SEMA6D: variants seen among roughly 807,000 people sequenced by gnomAD.
SEMA6D encodes semaphorin 6D.
A neutral mutation model predicts 106.6 loss-of-function variants in SEMA6D; 35 were observed. That is an observed-to-expected ratio of 0.33 (90% CI 0.25 to 0.44). The LOEUF (loss-of-function observed/expected upper bound fraction) is 0.44, where lower values mean the gene tolerates loss of function less well. Ranked by LOEUF, SEMA6D falls within the 20% of genes least tolerant of loss-of-function variation. The probability of loss-of-function intolerance (pLI) is 1.00; values close to 1 mark genes in which losing one functional copy is unlikely to be tolerated. For missense variants in SEMA6D, 1,185 were observed against 1,345.9 expected (o/e 0.88, Z 1.87); for synonymous variants, 499 against 487.7 (o/e 1.02, Z -0.31).
intron 4 of SEMA6D, among the ~76,000 whole-genome samples, chr15:47,690,138 C>T (rs72735838): frequency 6.6e-6 from 1 of 152,088 alleles, no homozygotes; most frequent in Non-Finnish European, 1.5e-5. Flanking sequence ...GGTGTTTAGC[C>T]CATTGATGAA....
At position 47,434,265 on chromosome 15, in the gene SEMA6D, C is replaced by A. The variant is rs57128532; in HGVS notation, c.-159+21793C>A. Among the ~76,000 whole-genome samples the A allele has an allele frequency of 8.9e-3, 1,361 of 152,108 alleles. 13 individuals are homozygous for A. The highest frequency in any genetic ancestry group is 0.031 in the African/African-American group (1,297 of 41,504). ...AGCCTGGTGATAAATACTGAAAAAA[C>A]GGACAGAAATGAGCAGGAAGGAAGC... is the stretch of plus-strand genomic sequence containing the variant. On this transcript the variant is annotated intron_variant, in intron 2 of 19. Transcript: ENST00000558014.
At chr15:47,207,613 T>A (rs1399523499) in intron 1 of SEMA6D, among the ~76,000 whole-genome samples, 1 of 152,156 alleles carries the variant, frequency 6.6e-6, no homozygotes, top group African/African-American at 2.4e-5. Flanking sequence ...GAGAAGAGGA[T>A]GTGAAGATTT....
intron 2 of SEMA6D, among the ~76,000 whole-genome samples, chr15:47,441,163 T>C (rs976961755): frequency 1.3e-5 from 2 of 152,144 alleles, no homozygotes; most frequent in African/African-American, 4.8e-5. Flanking sequence ...TATGTTTATT[T>C]GAACTGTGTC....
At chr15:47,378,988 A>G (rs2039546211) in intron 1 of SEMA6D, among the ~76,000 whole-genome samples, 1 of 152,182 alleles carries the variant, frequency 6.6e-6, no homozygotes, top group Admixed American at 6.5e-5. Context: ...CCAACCAGAA[A>G]TTTTGTTTTA....
intron 1 of SEMA6D, among the ~76,000 whole-genome samples, chr15:47,379,683 G>C (rs917602797): frequency 6.6e-6 from 1 of 152,192 alleles, no homozygotes. Context: ...TTTAATGAGA[G>C]AAATAGTCTT....
chr15:47,616,807 C>G (rs184497970), intron 4 of SEMA6D, among the ~76,000 whole-genome samples: 1 of 152,286 alleles, frequency 6.6e-6, no homozygotes, highest in African/African-American at 2.4e-5. Context: ...ACACCTTACT[C>G]TCTTTCTCCT....
At chr15:47,239,960 A>G (rs901418623) in intron 1 of SEMA6D, among the ~76,000 whole-genome samples, 1 of 152,336 alleles carries the variant, frequency 6.6e-6, no homozygotes, top group East Asian at 1.9e-4. Context: ...GTGAAGGTAT[A>G]AAATGACATT....
chr15:47,593,456 C>T (rs917683123), intron 3 of SEMA6D, among the ~76,000 whole-genome samples: 2 of 127,070 alleles, frequency 1.6e-5, no homozygotes, highest in Non-Finnish European at 1.7e-5. Context: ...TCAATCCAAA[C>T]AGAGAATTAC....
At chr15:47,408,870 C>T (rs1425405892) in intron 1 of SEMA6D, among the ~76,000 whole-genome samples, 2 of 152,160 alleles carry the variant, frequency 1.3e-5, no homozygotes, top group Non-Finnish European at 2.9e-5. Context: ...CCCTCCATTC[C>T]AAAGCACACA....
chr15:47,400,162 G>T (rs930168011), intron 1 of SEMA6D, among the ~76,000 whole-genome samples: 1 of 152,174 alleles, frequency 6.6e-6, no homozygotes, highest in Admixed American at 6.5e-5. Flanking sequence ...AATCAGAGCA[G>T]CAAAAGCTAC....
intron 1 of SEMA6D, among the ~76,000 whole-genome samples, chr15:47,742,092 T>C (rs1315760061): frequency 6.6e-6 from 1 of 152,184 alleles, no homozygotes; most frequent in Non-Finnish European, 1.5e-5. Context: ...TCAGCTGAGC[T>C]GGCCACTCGC....
At chr15:47,267,634 G>A (rs924487136) in intron 1 of SEMA6D, among the ~76,000 whole-genome samples, 1 of 151,812 alleles carries the variant, frequency 6.6e-6, no homozygotes, top group African/African-American at 2.4e-5. Context: ...GGTTTTTGTT[G>A]TTAAAAGAAT....
intron 1 of SEMA6D, among the ~76,000 whole-genome samples, chr15:47,262,862 G>A (rs894278012): frequency 5.3e-5 from 8 of 151,908 alleles, no homozygotes; most frequent in African/African-American, 9.7e-5. Context: ...ATAGACAAAT[G>A]GAAGAAAATA....
At chr15:47,761,969 G>A (rs2082083038) in intron 7 of SEMA6D, among the ~76,000 whole-genome samples, 1 of 152,128 alleles carries the variant, frequency 6.6e-6, no homozygotes, top group Non-Finnish European at 1.5e-5. Flanking sequence ...TGTTAACTAG[G>A]CCAGTGGCCC....
chr15:47,262,931 AAAAT>A (rs2034145205), intron 1 of SEMA6D, among the ~76,000 whole-genome samples: 1 of 152,160 alleles, frequency 6.6e-6, no homozygotes, highest in Non-Finnish European at 1.5e-5. Flanking sequence ...TAACCTGAGA[AAAAT>A]AAGCAATAGG....
At chr15:47,702,794 T>G (rs939861403) in intron 4 of SEMA6D, among the ~76,000 whole-genome samples, 9 of 152,076 alleles carry the variant, frequency 5.9e-5, no homozygotes, top group African/African-American at 2.2e-4. Context: ...ATTCCAAATA[T>G]GACATTCTGG....
At chr15:47,299,446 T>G (rs939913506) in intron 1 of SEMA6D, among the ~76,000 whole-genome samples, 1 of 152,242 alleles carries the variant, frequency 6.6e-6, no homozygotes, top group Non-Finnish European at 1.5e-5. Context: ...AGTGTAATTT[T>G]GGATTCCTTT....
intron 18 of SEMA6D, 73 bp from the exon 19 acceptor site, chr15:47,770,424 C>A: frequency 7.5e-7 from 1 of 1,338,586 alleles, no homozygotes; most frequent in Non-Finnish European, 1.0e-6. Flanking sequence ...TGTTGGCTCA[C>A]TGAAAGCCAT....
chr15:47,228,449 C>T (rs1323234904), intron 1 of SEMA6D, among the ~76,000 whole-genome samples: 1 of 143,750 alleles, frequency 7.0e-6, no homozygotes, highest in Non-Finnish European at 1.5e-5. Context: ...AGCTCTGTCC[C>T]AGAACCAATA....
Sources: allele counts gnomAD v4.1 joint callset (sites outside exome capture counted in the v4.1 genomes callset), GRCh38; gene constraint gnomAD v4.1.1; transcripts MANE v1.5; gene names NCBI Gene and HGNC (gene_info 2026-07-23, HGNC 2026-07-21).